The following CLNK variants were observed in gnomAD, a reference collection of about 807,000 sequenced individuals.
CLNK encodes the protein cytokine dependent hematopoietic cell linker.
In CLNK, 74 loss-of-function variants were observed where a neutral mutation model predicts 68.6. The ratio of observed to expected loss-of-function variants is 1.08; its 90% confidence interval spans 0.89 to 1.31. CLNK has a LOEUF of 1.31. Among genes scored for constraint, CLNK ranks in the 50% most tolerant of loss-of-function variants. The probability of loss-of-function intolerance (pLI) is 0.00; values close to 1 mark genes in which losing one functional copy is unlikely to be tolerated. For synonymous variants in CLNK, 198 were observed against 172.2 expected, an observed-to-expected ratio of 1.15 and a Z score of -1.17; for missense variants, 553 against 515.3, an observed-to-expected ratio of 1.07 and a Z score of -0.71.
At position 10,600,556 on chromosome 4, in the gene CLNK, C is replaced by G. The variant is rs1212086418; in HGVS notation, c.12-2507G>C. On this transcript the variant is annotated intron_variant, in intron 2 of 18. Coordinates refer to ENST00000226951, the MANE Select transcript of CLNK (RefSeq NM_052964.4). ...CATTATGCATGTACATGTCCATATC[C>G]CCTTGCATTGGAGCCTTGCAAGGGT... Among the ~76,000 whole-genome samples, 9 of 152,182 alleles carry G rather than the reference C, an allele frequency of 5.9e-5. No homozygotes were observed. In the East Asian group the frequency reaches 1.7e-3, roughly 29 times the overall value.
intron 14 of CLNK, among the ~76,000 whole-genome samples, chr4:10,521,995 A>G (rs1305736153): frequency 6.6e-6 from 1 of 152,226 alleles, no homozygotes; most frequent in Non-Finnish European, 1.5e-5. Context: ...GTGTTGGCTC[A>G]CGCGTGTAAT....
intron 18 of CLNK, among the ~76,000 whole-genome samples, chr4:10,491,945 G>C (rs906109259): frequency 2.2e-4 from 34 of 152,220 alleles, no homozygotes; most frequent in Admixed American, 1.0e-3. Flanking sequence ...CTCCCTCTCT[G>C]AGCCTTCAAT....
the CLNK span, among the ~76,000 whole-genome samples, chr4:10,716,023 A>C: frequency 6.6e-6 from 1 of 152,218 alleles, no homozygotes; most frequent in Non-Finnish European, 1.5e-5. Context: ...AAAGTTTTTT[A>C]ATAATATATA....
intron 4 of CLNK, among the ~76,000 whole-genome samples, chr4:10,573,595 C>A (rs1224810342): frequency 6.6e-6 from 1 of 152,132 alleles, no homozygotes; most frequent in Non-Finnish European, 1.5e-5. Flanking sequence ...CCGGAAGGAG[C>A]AAATGAGCTC....
chr4:10,524,628 A>G (rs1936244866), intron 14 of CLNK, among the ~76,000 whole-genome samples: 1 of 152,200 alleles, frequency 6.6e-6, no homozygotes, highest in African/African-American at 2.4e-5. Context: ...AACACTGGCT[A>G]CTGAACAGTG....
chr4:10,648,707 G>C (rs1723614182), intron 2 of CLNK, among the ~76,000 whole-genome samples: 1 of 152,134 alleles, frequency 6.6e-6, no homozygotes, highest in Non-Finnish European at 1.5e-5. Context: ...TGAGGGCTCT[G>C]GCTTTCTGGT....
chr4:10,692,331 T>G, the CLNK span, among the ~76,000 whole-genome samples: 1 of 152,202 alleles, frequency 6.6e-6, no homozygotes, highest in Non-Finnish European at 1.5e-5. Context: ...TCAGATCACT[T>G]GCCCTTGCCA....
At chr4:10,699,210 T>TAC in the CLNK span, among the ~76,000 whole-genome samples, 4 of 67,648 alleles carry the variant, frequency 5.9e-5, no homozygotes, top group African/African-American at 6.5e-5. Context: ...AACACACACA[T>TAC]ACACACCACA....
At chr4:10,710,457 T>G in the CLNK span, among the ~76,000 whole-genome samples, 1 of 152,210 alleles carries the variant, frequency 6.6e-6, no homozygotes, top group Non-Finnish European at 1.5e-5. Context: ...TGGAATGCGT[T>G]CCTTATCATA....
At chr4:10,546,637 C>T (rs1719243493) in intron 8 of CLNK, among the ~76,000 whole-genome samples, 1 of 152,122 alleles carries the variant, frequency 6.6e-6, no homozygotes. Context: ...CTATCCTGCT[C>T]CTACAAATTC....
At chr4:10,532,829 G>T (rs1421681646) in intron 11 of CLNK, among the ~76,000 whole-genome samples, 2 of 152,168 alleles carry the variant, frequency 1.3e-5, no homozygotes, top group African/African-American at 4.8e-5. Flanking sequence ...TTTTGGAAAG[G>T]TCTCTGACTA....
intron 2 of CLNK, among the ~76,000 whole-genome samples, chr4:10,616,217 G>C (rs1311803980): frequency 1.3e-5 from 2 of 152,150 alleles, no homozygotes; most frequent in Non-Finnish European, 2.9e-5. Flanking sequence ...CCTCAATTTA[G>C]TGAAGTAATA....
chr4:10,564,750 T>G lies in CLNK; in HGVS notation c.320A>C (p.Asp107Ala), dbSNP rs954689091. 5 of 1,612,892 alleles carry G rather than the reference T, an allele frequency of 3.1e-6. No homozygotes were observed. In the African/African-American group the frequency reaches 5.3e-5, roughly 17 times the overall value. ...CCTGGTGTCTAACGGAAGGGGAGTGTCCATTGCAACCTTGAAATAGTGTGT... is the reference window on the plus strand; with the variant it reads ...CCTGGTGTCTAACGGAAGGGGAGTGGCCATTGCAACCTTGAAATAGTGTGT... ...ADTHYFKVAM[D>A]TPLPLDTRTS... Residue 107 changes from aspartate to alanine, a missense_variant, in exon 7 of 19, where the codon GAC becomes GCC. By Grantham distance (126) the Asp-to-Ala change is moderately radical. Transcript: ENST00000226951.
chr4:10,504,091 G>C (rs1420014855), intron 17 of CLNK, among the ~76,000 whole-genome samples: 2 of 144,018 alleles, frequency 1.4e-5, no homozygotes, highest in Non-Finnish European at 3.0e-5. Context: ...CATTTGCAGG[G>C]TCTTTACATA....
In CLNK at chr4:10,524,600, A is replaced by C. The variant is rs574047982; in HGVS notation, c.731+1241T>G. On this transcript the variant is annotated intron_variant, in intron 14 of 18. Transcript: ENST00000226951. Reference sequence around the variant, plus strand: ...CAGGATTTATGGGCTGCATTTTTAGACTCAAGTCCTTATGGGCAACACTGG... The same window carrying C: ...CAGGATTTATGGGCTGCATTTTTAGCCTCAAGTCCTTATGGGCAACACTGG... 5.9e-5 allele frequency among the ~76,000 whole-genome samples: 9 copies of C among 152,110 alleles called. No homozygotes were observed. In the East Asian group the frequency reaches 1.7e-3, roughly 29 times the overall value.
intron 1 of CLNK, among the ~76,000 whole-genome samples, chr4:10,671,669 G>T (rs548944727): frequency 6.6e-6 from 1 of 152,142 alleles, no homozygotes; most frequent in Non-Finnish European, 1.5e-5. Flanking sequence ...CCTCATGTGT[G>T]CATTTTCAAA....
intron 2 of CLNK, among the ~76,000 whole-genome samples, chr4:10,647,277 G>A (rs1400725592): frequency 6.6e-6 from 1 of 152,170 alleles, no homozygotes; most frequent in Admixed American, 6.6e-5. Flanking sequence ...TGGGGACTTA[G>A]TACCTGCTAT....
chr4:10,733,975 C>A, the CLNK span, among the ~76,000 whole-genome samples: 2 of 152,188 alleles, frequency 1.3e-5, no homozygotes, highest in Non-Finnish European at 2.9e-5. Context: ...CCAGCTGGCC[C>A]ATTAGAGATA....
upstream of CLNK, among the ~76,000 whole-genome samples, chr4:10,688,584 G>A (rs1049609339): frequency 6.6e-6 from 1 of 152,246 alleles, no homozygotes; most frequent in African/African-American, 2.4e-5. Context: ...TTGGATAAAT[G>A]TAGATGAGTT....
Sources: gnomAD v4.1 joint callset for allele counts (sites outside exome capture counted in the v4.1 genomes callset) on GRCh38, gnomAD v4.1.1 for gene constraint, MANE v1.5 for transcripts, NCBI Gene and HGNC (gene_info 2026-07-23, HGNC 2026-07-21) for gene names.